GMCL1: variants seen among roughly 807,000 people sequenced by gnomAD.
GMCL1 encodes the protein germ cell-less 1, spermatogenesis associated.
A neutral mutation model predicts 75.5 loss-of-function variants in GMCL1; 54 were observed. That is an observed-to-expected ratio of 0.71 (90% CI 0.57 to 0.90). GMCL1 has a LOEUF of 0.90. GMCL1 is among the 40% of genes least tolerant of loss of function. GMCL1 has a pLI of 0.00. For synonymous variants in GMCL1, 210 were observed against 209.6 expected (o/e 1.00, Z -0.02); for missense variants, 537 against 622.7 (o/e 0.86, Z 1.47).
chr2:69,871,508 A>C (rs1429293539), intron 12 of GMCL1, among the ~76,000 whole-genome samples: 1 of 152,216 alleles, frequency 6.6e-6, no homozygotes, highest in Non-Finnish European at 1.5e-5. Context: ...AAAATGATAA[A>C]TGTTACGTAT....
intron 8 of GMCL1, 24 bp from the exon 9 acceptor site, chr2:69,854,799 T>C: frequency 6.3e-7 from 1 of 1,594,338 alleles, no homozygotes; most frequent in Non-Finnish European, 8.5e-7. Context: ...AGAATGGCTG[T>C]TTAACTTACA....
At chr2:69,841,250 A>G (rs1002272311) in intron 4 of GMCL1, among the ~76,000 whole-genome samples, 1 of 152,226 alleles carries the variant, frequency 6.6e-6, no homozygotes, top group Admixed American at 6.5e-5. Context: ...CATAAAATGA[A>G]TGCAGGCCAT....
chr2:69,844,095 G>A (rs1292557780), intron 5 of GMCL1, 36 bp from the exon 6 acceptor site: 2 of 963,818 alleles, frequency 2.1e-6, no homozygotes, highest in East Asian at 2.8e-5. Flanking sequence ...GTAAATACAT[G>A]GCATATAATG....
At chr2:69,865,313 C>T (rs1405274412) in intron 11 of GMCL1, among the ~76,000 whole-genome samples, 5 of 152,206 alleles carry the variant, frequency 3.3e-5, no homozygotes, top group Non-Finnish European at 7.3e-5. Context: ...TGTCCTAAAT[C>T]AAAGACATTC....
At chr2:69,853,370 T>C (rs181624035) in intron 8 of GMCL1, among the ~76,000 whole-genome samples, 1 of 152,360 alleles carries the variant, frequency 6.6e-6, no homozygotes, top group Admixed American at 6.5e-5. Flanking sequence ...TTGCTGACTC[T>C]AGGCAGGTGC....
intron 1 of GMCL1, among the ~76,000 whole-genome samples, chr2:69,834,910 G>T (rs1419509541): frequency 1.3e-5 from 2 of 151,368 alleles, no homozygotes; most frequent in Non-Finnish European, 2.9e-5. Flanking sequence ...TTTGCTTTAT[G>T]TTCTGGGAAA....
At position 69,864,985 on chromosome 2, in the gene GMCL1, G is replaced by T; in HGVS notation, c.1218+10G>T. 1 of 1,593,496 alleles carries T rather than the reference G, an allele frequency of 6.3e-7. No homozygotes were observed. The highest frequency in any genetic ancestry group is 8.6e-7 in the Non-Finnish European group (1 of 1,161,608). ...TGCCAAAGATGGTGAAGTAAGTATG[G>T]GTTGTGACTGTTAATATTCTTATAC... On this transcript the variant is annotated intron_variant, in intron 11 of 13. Coordinates refer to ENST00000282570, the MANE Select transcript of GMCL1 (RefSeq NM_178439.5).
In GMCL1 at chr2:69,880,835, G is replaced by T; in HGVS notation, c.*1831G>T. On this transcript the variant is annotated 3_prime_UTR_variant, in exon 14 of 14. Coordinates refer to ENST00000282570, the MANE Select transcript of GMCL1 (RefSeq NM_178439.5). ...TGCACTCCAACCTAGGCGACAGAGT[G>T]AGACTCCGTCTCAAAAAAAAAAAAA... 1 of 134,158 alleles carries T rather than the reference G, an allele frequency of 7.5e-6. No homozygotes were observed. Among genetic ancestry groups the T allele is most frequent in the East Asian group, 2.2e-4 (1 of 4,560 alleles). 8.3% of individuals were successfully genotyped at this position (134,158 alleles called of 1,614,324 possible).
intron 1 of GMCL1, 119 bp downstream of exon 1, chr2:69,830,271 C>T (rs1674634524): frequency 3.1e-6 from 4 of 1,301,432 alleles, no homozygotes; most frequent in Non-Finnish European, 4.1e-6. Flanking sequence ...AGGGGACGTG[C>T]CCTTGACAGG....
At chr2:69,842,443 A>G (rs1019951524) in intron 4 of GMCL1, among the ~76,000 whole-genome samples, 44 of 152,296 alleles carry the variant, frequency 2.9e-4, no homozygotes, top group African/African-American at 1.0e-3. Flanking sequence ...CTTACTTCCA[A>G]TAAGTATACT....
intron 10 of GMCL1, among the ~76,000 whole-genome samples, chr2:69,863,057 G>GT (rs1235366191): frequency 6.6e-6 from 1 of 152,086 alleles, no homozygotes; most frequent in East Asian, 1.9e-4. Flanking sequence ...TAAGTCTTTA[G>GT]TTTTTTGCCT....
At chr2:69,860,181 A>C (rs1297674911) in intron 9 of GMCL1, among the ~76,000 whole-genome samples, 1 of 151,934 alleles carries the variant, frequency 6.6e-6, no homozygotes, top group Non-Finnish European at 1.5e-5. Flanking sequence ...TGGAGAGATC[A>C]GGTCTCACTA....
At chr2:69,834,283 C>G (rs1367367250) in intron 1 of GMCL1, among the ~76,000 whole-genome samples, 2 of 152,184 alleles carry the variant, frequency 1.3e-5, no homozygotes, top group Admixed American at 6.5e-5. Context: ...CTTCCATCCT[C>G]CTGTTCCAAT....
At chr2:69,870,789 CA>C (rs577977896) in intron 12 of GMCL1, among the ~76,000 whole-genome samples, 207 of 152,118 alleles carry the variant, frequency 1.4e-3, no homozygotes, top group African/African-American at 4.8e-3. Flanking sequence ...TAGGGACATA[CA>C]AACCAAAATC....
chr2:69,853,232 A>T (rs1204886738), intron 8 of GMCL1, among the ~76,000 whole-genome samples: 2 of 152,192 alleles, frequency 1.3e-5, no homozygotes, highest in East Asian at 1.9e-4. Context: ...TTAATTCAAC[A>T]TATGAACTGG....
intron 11 of GMCL1, among the ~76,000 whole-genome samples, chr2:69,869,082 G>A (rs1412003136): frequency 2.6e-5 from 4 of 151,384 alleles, no homozygotes; most frequent in Non-Finnish European, 4.4e-5. Flanking sequence ...GAAAAACCCC[G>A]TCTCTACTAA....
chr2:69,847,703 C>A, intron 7 of GMCL1, 76 bp downstream of exon 7: 1 of 798,752 alleles, frequency 1.3e-6, no homozygotes, highest in Non-Finnish European at 2.1e-6. Flanking sequence ...AAACTGGAAA[C>A]AGTATCCAGT....
At chr2:69,864,634 T>G (rs1179815789) in intron 10 of GMCL1, among the ~76,000 whole-genome samples, 1 of 144,744 alleles carries the variant, frequency 6.9e-6, no homozygotes, top group Non-Finnish European at 1.5e-5. Flanking sequence ...TTTTTCAGGT[T>G]TTTTTTCCTC....
chr2:69,879,618 T>A lies in GMCL1; in HGVS notation c.*614T>A, dbSNP rs1676225004. ...GGTTTTGGAGACTAAGCTGATAAAC[T>A]TTTTTTAAAACTTAAGCATTGTCAT... On this transcript the variant is annotated 3_prime_UTR_variant, in exon 14 of 14. Transcript: ENST00000282570. The A allele has an allele frequency of 6.6e-6, 1 of 152,178 alleles. No individual in the cohort carries two copies. The highest frequency in any genetic ancestry group is 6.5e-5 in the Admixed American group (1 of 15,286). The allele number at this position is 152,178 out of a possible 1,614,324, so 9.4% of individuals were successfully genotyped here.
Sources: allele counts gnomAD v4.1 joint callset (sites outside exome capture counted in the v4.1 genomes callset), GRCh38; gene constraint gnomAD v4.1.1; transcripts MANE v1.5; gene names NCBI Gene and HGNC (gene_info 2026-07-23, HGNC 2026-07-21).